Variants in TENM4 observed in about 807,000 individuals in gnomAD.
TENM4 encodes the protein teneurin transmembrane protein 4, also known as teneurin-4.
A neutral mutation model predicts 243.3 loss-of-function variants in TENM4; 82 were observed. The ratio of observed to expected loss-of-function variants is 0.34; its 90% CI spans 0.28 to 0.40. TENM4 has a LOEUF of 0.40. TENM4 is among the 10% of genes least tolerant of loss of function. TENM4 has a pLI of 1.00. For synonymous variants in TENM4, 1,412 were observed against 1,456.3 expected (o/e 0.97, Z 0.69); for missense variants, 3,138 against 3,673.3 (o/e 0.85, Z 3.77).
rs1008436440 is a variant in TENM4, at chr11:78,657,539, A to G, written c.*519T>C. 1 of 260,570 alleles carries G rather than the reference A, an allele frequency of 3.8e-6. No individual in the cohort carries two copies. Among genetic ancestry groups the G allele is most frequent in the African/African-American group, 2.2e-5 (1 of 45,146 alleles). The allele number at this position is 260,570 out of a possible 1,614,324, so 16.1% of individuals were successfully genotyped here. A position where few individuals can be genotyped will look rare whatever the true frequency, so the allele number is the denominator to read the frequency against. Reference sequence around the variant, plus strand: ...AAGAAATCCACCACTCTTCTGCAGGAGCCCTGCCAAGGAGCCTCAGGTCCT... The same window carrying G: ...AAGAAATCCACCACTCTTCTGCAGGGGCCCTGCCAAGGAGCCTCAGGTCCT... On this transcript the variant is annotated 3_prime_UTR_variant, in exon 34 of 34. Transcript: ENST00000278550.
chr11:79,213,418 T>G (rs1189679367), intron 3 of TENM4, among the ~76,000 whole-genome samples: 2 of 152,166 alleles, frequency 1.3e-5, no homozygotes, highest in African/African-American at 2.4e-5. Flanking sequence ...CAATTAAACT[T>G]GTCTAGTAAT....
chr11:79,234,823 T>C (rs2135268169), intron 2 of TENM4, among the ~76,000 whole-genome samples: 1 of 152,348 alleles, frequency 6.6e-6, no homozygotes. Flanking sequence ...ATACGTTGCC[T>C]GTGTCCTTGG....
At chr11:79,065,092 C>A in intron 5 of TENM4, 85 bp from the exon 6 acceptor site, 1 of 1,417,326 alleles carries the variant, frequency 7.1e-7, no homozygotes, top group East Asian at 2.6e-5. Flanking sequence ...CTTCTTACCC[C>A]AGGGCTCACT....
At position 78,656,969 on chromosome 11, in the gene TENM4, C is replaced by T. The variant is rs1857910548; in HGVS notation, c.*1089G>A. On this transcript the variant is annotated 3_prime_UTR_variant, in exon 34 of 34. Coordinates refer to ENST00000278550, the MANE Select transcript of TENM4 (RefSeq NM_001098816.3). ...AGAATCAAAGGCCACCAAGCACCTC[C>T]CTCCACATTCCTACGTCTCAGTGGT... The T allele has an allele frequency of 2.5e-6, 1 of 398,408 alleles. No individual in the cohort carries two copies. The highest frequency in any genetic ancestry group is 1.3e-4 in the South Asian group (1 of 7,736). 24.7% of individuals were successfully genotyped at this position (398,408 alleles called of 1,614,324 possible). A position where few individuals can be genotyped will look rare whatever the true frequency, so the allele number is the denominator to read the frequency against.
intron 6 of TENM4, among the ~76,000 whole-genome samples, chr11:78,975,675 A>G (rs1239400046): frequency 2.6e-5 from 4 of 151,968 alleles, no homozygotes; most frequent in Non-Finnish European, 5.9e-5. Flanking sequence ...GCAAAATTCC[A>G]GGCCTCAAGA....
intron 1 of TENM4, among the ~76,000 whole-genome samples, chr11:79,409,093 TGTGTGTGTGCGCGCGCGCGCGTGC>T (rs1374636068): frequency 9.9e-5 from 11 of 111,436 alleles, no homozygotes; most frequent in Non-Finnish European, 1.6e-4. Flanking sequence ...TGTGTGTGTG[TGTGTGTGTGCGCGCGCGCGCGTGC>T]GTGCACGCGC....
intron 3 of TENM4, among the ~76,000 whole-genome samples, chr11:79,172,358 C>G (rs1387016691): frequency 6.6e-6 from 1 of 152,184 alleles, no homozygotes; most frequent in East Asian, 1.9e-4. Context: ...ACTGGGTGAC[C>G]AGGGACACCG....
chr11:79,200,933 G>A (rs1863725731), intron 3 of TENM4, among the ~76,000 whole-genome samples: 1 of 152,170 alleles, frequency 6.6e-6, no homozygotes. Flanking sequence ...TGTTTAATCA[G>A]TCCCAGCAGA....
chr11:79,207,076 C>T (rs994833568), intron 3 of TENM4, among the ~76,000 whole-genome samples: 3 of 152,140 alleles, frequency 2.0e-5, no homozygotes, highest in Non-Finnish European at 4.4e-5. Context: ...GGGAAGGCCA[C>T]AGAGACTATC....
At chr11:79,437,871 CCGGG>C (rs1306881565) in intron 1 of TENM4, among the ~76,000 whole-genome samples, 1 of 152,160 alleles carries the variant, frequency 6.6e-6, no homozygotes, top group Non-Finnish European at 1.5e-5. Context: ...CCTCTGGCAG[CCGGG>C]TTAAAGGCTC....
intron 6 of TENM4, among the ~76,000 whole-genome samples, chr11:79,059,786 T>C (rs796884740): frequency 5.3e-5 from 8 of 152,316 alleles, no homozygotes; most frequent in African/African-American, 1.9e-4. Flanking sequence ...ACTGATGTGC[T>C]CTTTTTAAAA....
Position 78,676,144 on chromosome 11 carries a change from T to C in TENM4, c.5496+8A>G. 1 of 1,499,168 alleles carries C rather than the reference T, an allele frequency of 6.7e-7. No individual in the cohort carries two copies. 92.9% of individuals were successfully genotyped at this position (1,499,168 alleles called of 1,614,324 possible). ...CAGGACGCAGCCACCTCCAGAGGCC[T>C]CGCTCACCCGCAGCCGGCGCCCAAA... On this transcript the variant is annotated splice_region_variant and intron_variant, in intron 30 of 33. Transcript: ENST00000278550.
chr11:78,857,978 G>A (rs1262719505), intron 10 of TENM4, among the ~76,000 whole-genome samples: 1 of 152,182 alleles, frequency 6.6e-6, no homozygotes, highest in Non-Finnish European at 1.5e-5. Context: ...CCTAGAAACT[G>A]AAAAGAAATA....
chr11:78,786,755 G>T, intron 16 of TENM4, 143 bp downstream of exon 16: 2 of 1,174,528 alleles, frequency 1.7e-6, no homozygotes, highest in Non-Finnish European at 2.4e-6. Context: ...GCTAGGAAAT[G>T]CCAGTCATAA....
chr11:79,217,909 T>C (rs1256224469), intron 2 of TENM4, among the ~76,000 whole-genome samples: 1 of 151,850 alleles, frequency 6.6e-6, no homozygotes, highest in Non-Finnish European at 1.5e-5. Flanking sequence ...TTAGATGGGG[T>C]TTCGCCATGT....
intron 4 of TENM4, among the ~76,000 whole-genome samples, chr11:79,103,826 G>A (rs758115109): frequency 3.9e-5 from 6 of 152,156 alleles, no homozygotes; most frequent in East Asian, 3.9e-4. Flanking sequence ...CTCCCCACTC[G>A]CTGTCTTAGG....
intron 16 of TENM4, 62 bp from the exon 17 acceptor site, chr11:78,778,690 C>T: frequency 6.8e-7 from 1 of 1,479,600 alleles, no homozygotes; most frequent in Non-Finnish European, 9.4e-7. Context: ...TCGCCTGCCA[C>T]ATAACCATGC....
At chr11:78,813,858 G>C (rs1368536918) in intron 13 of TENM4, among the ~76,000 whole-genome samples, 1 of 152,224 alleles carries the variant, frequency 6.6e-6, no homozygotes, top group Non-Finnish European at 1.5e-5. Flanking sequence ...TGTGCTGTTA[G>C]AAAGTAGCAA....
intron 20 of TENM4, among the ~76,000 whole-genome samples, chr11:78,733,958 G>C (rs570383325): frequency 6.6e-6 from 1 of 152,288 alleles, no homozygotes; most frequent in East Asian, 1.9e-4. Context: ...GGAGGCCGAG[G>C]AGGGCGGATC....
Sources: gnomAD v4.1 joint callset for allele counts (sites outside exome capture counted in the v4.1 genomes callset) on GRCh38, gnomAD v4.1.1 for gene constraint, MANE v1.5 for transcripts, NCBI Gene and HGNC (gene_info 2026-07-23, HGNC 2026-07-21) for gene names.